Variants in TTLL7 observed in about 807,000 individuals in gnomAD.
TTLL7 encodes the protein tubulin tyrosine ligase like 7, also known as tubulin polyglutamylase TTLL7.
In TTLL7, 53 loss-of-function variants were observed where a neutral mutation model predicts 120.2. That is an observed-to-expected ratio of 0.44 (90% CI 0.35 to 0.55). TTLL7 has a LOEUF of 0.55. TTLL7 is among the 20% of genes least tolerant of loss of function. The pLI is 0.00. For synonymous variants in TTLL7, 353 were observed against 351.7 expected, an observed-to-expected ratio of 1.00 and a Z score of -0.04; for missense variants, 803 against 1,054.7, an observed-to-expected ratio of 0.76 and a Z score of 3.31.
At chr1:83,892,466 A>G (rs1434164092) in intron 18 of TTLL7, among the ~76,000 whole-genome samples, 2 of 46,168 alleles carry the variant, frequency 4.3e-5, no homozygotes, top group East Asian at 4.0e-4. Context: ...ATATGAACAT[A>G]TATATGAACA....
At chr1:83,990,167 C>CTTTT (rs35374044) in intron 1 of TTLL7, among the ~76,000 whole-genome samples, 23 of 116,928 alleles carry the variant, frequency 2.0e-4, no homozygotes, top group African/African-American at 3.9e-4. Flanking sequence ...ATTTGGATGC[C>CTTTT]TTTTTTTTTT....
At chr1:83,994,438 C>T (rs888233367) in intron 1 of TTLL7, among the ~76,000 whole-genome samples, 1 of 152,160 alleles carries the variant, frequency 6.6e-6, no homozygotes, top group African/African-American at 2.4e-5. Flanking sequence ...AGGACCCGTC[C>T]AACACTGGGC....
At chr1:83,889,609 T>A (rs1247845348) in intron 19 of TTLL7, among the ~76,000 whole-genome samples, 1 of 152,072 alleles carries the variant, frequency 6.6e-6, no homozygotes, top group Non-Finnish European at 1.5e-5. Flanking sequence ...ACTTAACACA[T>A]GTAAAGTGAT....
chr1:83,894,738 C>A (rs539641341), intron 18 of TTLL7, among the ~76,000 whole-genome samples: 3 of 152,180 alleles, frequency 2.0e-5, no homozygotes, highest in Admixed American at 2.0e-4. Flanking sequence ...GGCACCTCTA[C>A]CTAAGAAGCA....
intron 20 of TTLL7, among the ~76,000 whole-genome samples, chr1:83,880,601 A>G (rs2100705288): frequency 6.6e-6 from 1 of 152,088 alleles, no homozygotes; most frequent in East Asian, 1.9e-4. Flanking sequence ...TGACTTTTTG[A>G]GTATCACTTA....
At chr1:83,892,150 T>C (rs1655534021) in intron 18 of TTLL7, among the ~76,000 whole-genome samples, 2 of 150,626 alleles carry the variant, frequency 1.3e-5, no homozygotes, top group Admixed American at 6.7e-5. Context: ...GTAATAGAAG[T>C]AAAAACAATT....
At chr1:83,882,661 T>A in intron 20 of TTLL7, 2 of 237,282 alleles carry the variant, frequency 8.4e-6, no homozygotes, top group South Asian at 1.4e-4. Flanking sequence ...AGAAGTTAAA[T>A]ATATTACCAC....
At chr1:83,872,889 A>C (rs551394191) in intron 20 of TTLL7, among the ~76,000 whole-genome samples, 1 of 152,308 alleles carries the variant, frequency 6.6e-6, no homozygotes, top group Admixed American at 6.5e-5. Context: ...TTCATGAAGC[A>C]TACAGGGGTC....
Position 83,965,455 on chromosome 1 carries a change from C to T in TTLL7, c.-176-13068G>A, listed in dbSNP as rs190103973. ...TGATTGCAAGTTTCCCGAGGCCTCC[C>T]AAGCCATGCAGAACTGTGAGTCAGT... On this transcript the variant is annotated intron_variant, in intron 1 of 20. Transcript: ENST00000260505. 1.1e-4 allele frequency among the ~76,000 whole-genome samples: 16 copies of T among 152,178 alleles called. No homozygotes were observed. The East Asian group carries it at 3.1e-3, about 29-fold the overall frequency.
intron 8 of TTLL7, among the ~76,000 whole-genome samples, chr1:83,934,575 C>T (rs944011118): frequency 2.0e-5 from 3 of 152,152 alleles, no homozygotes; most frequent in African/African-American, 7.2e-5. Flanking sequence ...ACACATAATA[C>T]TACTAGGGTG....
chr1:83,912,239 T>C (rs1268918308), intron 14 of TTLL7, among the ~76,000 whole-genome samples: 3 of 152,160 alleles, frequency 2.0e-5, no homozygotes, highest in Non-Finnish European at 1.5e-5. Flanking sequence ...CTGTAAAGAC[T>C]GAAAATGCCA....
intron 17 of TTLL7, among the ~76,000 whole-genome samples, 183 bp downstream of exon 17, chr1:83,906,146 G>A (rs1477338094): frequency 6.6e-6 from 1 of 151,966 alleles, no homozygotes; most frequent in Non-Finnish European, 1.5e-5. Flanking sequence ...TGATCTCACT[G>A]TCCATGAATT....
At chr1:83,993,136 AAAG>A (rs1453689383) in intron 1 of TTLL7, among the ~76,000 whole-genome samples, 3 of 152,188 alleles carry the variant, frequency 2.0e-5, no homozygotes, top group African/African-American at 4.8e-5. Flanking sequence ...CACATCAATT[AAAG>A]AAGATTTTAC....
At chr1:83,960,152 G>A (rs148566461) in intron 1 of TTLL7, among the ~76,000 whole-genome samples, 5 of 152,270 alleles carry the variant, frequency 3.3e-5, no homozygotes, top group African/African-American at 1.2e-4. Flanking sequence ...ACTTTTGCTT[G>A]AATCATTATG....
intron 18 of TTLL7, among the ~76,000 whole-genome samples, chr1:83,895,492 T>G (rs933552814): frequency 2.0e-5 from 3 of 152,062 alleles, no homozygotes; most frequent in African/African-American, 7.2e-5. Context: ...ATCATACATA[T>G]TATTAATTCT....
intron 18 of TTLL7, among the ~76,000 whole-genome samples, chr1:83,892,722 A>G (rs558095002): frequency 4.0e-5 from 6 of 151,438 alleles, no homozygotes; most frequent in East Asian, 1.9e-4. Flanking sequence ...GAACATATAT[A>G]TGTGAACACA....
intron 8 of TTLL7, among the ~76,000 whole-genome samples, chr1:83,936,920 T>C (rs1366256556): frequency 1.3e-5 from 2 of 152,142 alleles, no homozygotes; most frequent in African/African-American, 4.8e-5. Flanking sequence ...AACATCCTAG[T>C]TTCTTCTATC....
intron 19 of TTLL7, 128 bp downstream of exon 19, chr1:83,890,193 C>A (rs1249259173): frequency 4.0e-5 from 37 of 928,370 alleles, no homozygotes; most frequent in Non-Finnish European, 5.6e-5. Flanking sequence ...TAGTTGAGTA[C>A]TAAACATTAC....
At chr1:83,892,241 T>C (rs1557560969) in intron 18 of TTLL7, among the ~76,000 whole-genome samples, 78 of 139,312 alleles carry the variant, frequency 5.6e-4, no homozygotes, top group Admixed American at 1.6e-3. Flanking sequence ...TATATATGAA[T>C]ATATATGTAT....
Sources: allele counts gnomAD v4.1 joint callset (sites outside exome capture counted in the v4.1 genomes callset), GRCh38; gene constraint gnomAD v4.1.1; transcripts MANE v1.5; gene names NCBI Gene and HGNC (gene_info 2026-07-23, HGNC 2026-07-21).